AHCYL2: variants seen among roughly 807,000 people sequenced by gnomAD.
The protein encoded by AHCYL2 is S-adenosylhomocysteine hydrolase-like protein 2.
In AHCYL2, 28 loss-of-function variants were observed where a neutral mutation model predicts 81.4. The ratio of observed to expected loss-of-function variants is 0.34; its 90% CI spans 0.25 to 0.47. The LOEUF is 0.47. Ranked by LOEUF, AHCYL2 falls within the 20% of genes least tolerant of loss-of-function variation. AHCYL2 has a pLI of 1.00. For missense variants in AHCYL2, 551 were observed against 785.1 expected, an observed-to-expected ratio of 0.70 and a Z score of 3.56; for synonymous variants, 272 against 290.2, an observed-to-expected ratio of 0.94 and a Z score of 0.64.
chr7:129,282,140 C>T (rs1796467587), intron 1 of AHCYL2, among the ~76,000 whole-genome samples: 1 of 152,024 alleles, frequency 6.6e-6, no homozygotes, highest in Admixed American at 6.5e-5. Context: ...TGATTTATGG[C>T]CTCAAATATG....
Position 129,368,169 on chromosome 7 carries a change from G to T in AHCYL2, c.364-11469G>T. ...GCTGCAGAAAGTCCCCACTGGGGAG[G>T]TGCGGGTAGAGTGTTTGGGTAGCAT... On this transcript the variant is annotated intron_variant, in intron 1 of 16. Transcript: ENST00000325006. The surrounding 1 kb of genome is among the most constrained non-coding windows in gnomAD (Gnocchi z 4.4). 9.0e-7 allele frequency: 1 copy of T among 1,112,050 alleles called. No individual in the cohort carries two copies. Among genetic ancestry groups the T allele is most frequent in the South Asian group, 3.5e-5 (1 of 28,468 alleles). 68.9% of individuals were successfully genotyped at this position (1,112,050 alleles called of 1,614,324 possible).
chr7:129,388,924 G>GC, intron 2 of AHCYL2, 132 bp from the exon 3 acceptor site: 1 of 904,114 alleles, frequency 1.1e-6, no homozygotes, highest in Non-Finnish European at 1.6e-6. Flanking sequence ...TGTATAGCCT[G>GC]CAGGTACTTA....
chr7:129,352,173 C>T (rs1255757056), intron 1 of AHCYL2, among the ~76,000 whole-genome samples: 2 of 151,944 alleles, frequency 1.3e-5, no homozygotes, highest in Non-Finnish European at 2.9e-5. Context: ...TTTTTTTAAT[C>T]ATGTATCTCT....
At position 129,323,574 on chromosome 7, in the gene AHCYL2, T is replaced by C. The variant is rs182557818; in HGVS notation, c.364-56064T>C. On this transcript the variant is annotated intron_variant, in intron 1 of 16. Transcript: ENST00000325006. ...TCTATAAATGTCAATTAGGTCAAGTTGGTTGTTAGTGTTGTTGAAGTCTTC... is the reference window on the plus strand; with the variant it reads ...TCTATAAATGTCAATTAGGTCAAGTCGGTTGTTAGTGTTGTTGAAGTCTTC... Among the ~76,000 whole-genome samples the C allele has an allele frequency of 3.0e-3, 454 of 152,264 alleles. 3 individuals are homozygous for C. The highest frequency in any genetic ancestry group is 0.01 in the African/African-American group (432 of 41,512).
At chr7:129,386,645 C>T (rs1423591297) in intron 2 of AHCYL2, among the ~76,000 whole-genome samples, 4 of 151,982 alleles carry the variant, frequency 2.6e-5, no homozygotes, top group Non-Finnish European at 5.9e-5. Flanking sequence ...ATGGTAAAGC[C>T]AGAAATTGGA....
intron 1 of AHCYL2, among the ~76,000 whole-genome samples, chr7:129,298,724 A>G (rs1008226389): frequency 1.3e-5 from 2 of 152,216 alleles, no homozygotes; most frequent in African/African-American, 2.4e-5. Flanking sequence ...CATTCTACCA[A>G]GTGATTTGTC....
At chr7:129,397,012 C>A (rs1399691066) in intron 4 of AHCYL2, among the ~76,000 whole-genome samples, 1 of 152,174 alleles carries the variant, frequency 6.6e-6, no homozygotes, top group Non-Finnish European at 1.5e-5. Context: ...TTGGTAAAAA[C>A]ATAGAGTCAG....
intron 1 of AHCYL2, among the ~76,000 whole-genome samples, chr7:129,271,471 T>G (rs771457247): frequency 1.1e-4 from 17 of 152,080 alleles, no homozygotes; most frequent in Non-Finnish European, 1.6e-4. Context: ...TTATGGTATA[T>G]TCATAGAACA....
chr7:129,415,633 C>CAAAAA (rs1170561870), intron 12 of AHCYL2, among the ~76,000 whole-genome samples: 1 of 109,228 alleles, frequency 9.2e-6, no homozygotes, highest in Non-Finnish European at 1.9e-5. Context: ...AACTCCATCT[C>CAAAAA]AAAAAAAAAA....
chr7:129,325,812 T>G (rs1228893603), intron 1 of AHCYL2, among the ~76,000 whole-genome samples: 1 of 152,050 alleles, frequency 6.6e-6, no homozygotes, highest in Non-Finnish European at 1.5e-5. Context: ...TTCAAGCGAT[T>G]CTCCCGCCTC....
intron 1 of AHCYL2, among the ~76,000 whole-genome samples, chr7:129,348,778 G>T (rs916518730): frequency 6.6e-6 from 1 of 152,032 alleles, no homozygotes; most frequent in African/African-American, 2.4e-5. Flanking sequence ...CTTCACCTAG[G>T]CCAAGGATTG....
intron 1 of AHCYL2, among the ~76,000 whole-genome samples, chr7:129,291,509 G>A (rs1395664922): frequency 4.1e-5 from 6 of 145,416 alleles, no homozygotes; most frequent in African/African-American, 1.5e-4. Context: ...GACTTTACCC[G>A]AGACCTTTTT....
chr7:129,358,159 C>T (rs1319774593), intron 1 of AHCYL2, among the ~76,000 whole-genome samples: 2 of 151,794 alleles, frequency 1.3e-5, no homozygotes, highest in Non-Finnish European at 2.9e-5. Context: ...TTTGGGAGGC[C>T]GAGGTGGGCG....
intron 1 of AHCYL2, among the ~76,000 whole-genome samples, chr7:129,273,270 G>T (rs1325048009): frequency 6.7e-6 from 1 of 149,242 alleles, no homozygotes; most frequent in African/African-American, 2.5e-5. Flanking sequence ...AATAAAATAT[G>T]GCCTCAAAGT....
At chr7:129,415,219 T>C (rs1796787207) in intron 12 of AHCYL2, among the ~76,000 whole-genome samples, 1 of 152,220 alleles carries the variant, frequency 6.6e-6, no homozygotes, top group Non-Finnish European at 1.5e-5. Context: ...CAAATGATTC[T>C]CATTTCCTGG....
intron 11 of AHCYL2, among the ~76,000 whole-genome samples, chr7:129,411,189 CTAA>C (rs1796557000): frequency 6.6e-6 from 1 of 152,214 alleles, no homozygotes. Flanking sequence ...TCACCACAAT[CTAA>C]TGTTTTTACT....
intron 1 of AHCYL2, among the ~76,000 whole-genome samples, chr7:129,320,567 A>G (rs1209431813): frequency 1.3e-5 from 2 of 152,166 alleles, no homozygotes; most frequent in African/African-American, 4.8e-5. Context: ...TCCACCGCCC[A>G]TCCCAAAGTC....
chr7:129,327,524 T>G (rs1422105711), intron 1 of AHCYL2, among the ~76,000 whole-genome samples: 2 of 152,142 alleles, frequency 1.3e-5, no homozygotes, highest in Admixed American at 1.3e-4. Context: ...TGGAGTGCAG[T>G]GGCGCGATCT....
At chr7:129,415,510 T>C (rs940294828) in intron 12 of AHCYL2, among the ~76,000 whole-genome samples, 2 of 152,208 alleles carry the variant, frequency 1.3e-5, no homozygotes, top group East Asian at 3.9e-4. Context: ...TTGTCAGGCA[T>C]ATAATTGATT....
Sources: allele counts gnomAD v4.1 joint callset (sites outside exome capture counted in the v4.1 genomes callset), GRCh38; gene constraint gnomAD v4.1.1; non-coding constraint Gnocchi (gnomAD v3.1); transcripts MANE v1.5; gene names NCBI Gene and HGNC (gene_info 2026-07-23, HGNC 2026-07-21).